The following TRIM60 variants were observed in gnomAD, a reference collection of about 807,000 sequenced individuals.
TRIM60 encodes the protein tripartite motif-containing protein 60.
For missense variants in TRIM60, 524 were observed against 540.8 expected (o/e 0.97, Z 0.31); for synonymous variants, 189 against 195.2 (o/e 0.97, Z 0.27).
At chr4:165,035,203 A>G (rs1313372950) in intron 1 of TRIM60, among the ~76,000 whole-genome samples, 8 of 152,124 alleles carry the variant, frequency 5.3e-5, no homozygotes, top group African/African-American at 1.9e-4. Context: ...TGCTGGCACT[A>G]TAGGGACATG....
intron 1 of TRIM60, among the ~76,000 whole-genome samples, chr4:165,036,129 A>AAGC (rs2111210034): frequency 6.6e-6 from 1 of 152,332 alleles, no homozygotes; most frequent in East Asian, 1.9e-4. Context: ...GCAGCCTTGC[A>AAGC]AGCAACCTTC....
intron 1 of TRIM60, among the ~76,000 whole-genome samples, chr4:165,035,423 G>T (rs1322828576): frequency 1.3e-5 from 2 of 152,206 alleles, no homozygotes; most frequent in Non-Finnish European, 2.9e-5. Flanking sequence ...GGAAAATGGT[G>T]TGTGGGATGA....
Position 165,040,812 on chromosome 4 carries a change from A to C in TRIM60, c.740A>C (p.Glu247Ala), listed in dbSNP as rs1398048334. 6.2e-7 allele frequency: 1 copy of C among 1,614,222 alleles called. No individual in the cohort carries two copies. Among genetic ancestry groups the C allele is most frequent in the East Asian group, 2.2e-5 (1 of 44,882 alleles). Residue 247 changes from glutamate to alanine, a missense_variant, in exon 3 of 3, where the codon GAA (glutamate) becomes GCA (alanine). Glu to Ala is a moderately radical substitution (Grantham distance 107, BLOSUM62 -1). Coordinates refer to ENST00000512596, the MANE Select transcript of TRIM60 (RefSeq NM_152620.3). ...GGCAAGTCTGTGCAGTCAAACCTGG[A>C]ATTACTGACACAAGCTAAGAGTATG... ...VEGKSVQSNL[E>A]LLTQAKSMHH...
At chr4:165,039,804 CAAAAAAAA>C (rs34594955) in intron 2 of TRIM60, among the ~76,000 whole-genome samples, 1 of 83,514 alleles carries the variant, frequency 1.2e-5, no homozygotes, top group Non-Finnish European at 2.6e-5. Flanking sequence ...GACTCCGTCT[CAAAAAAAA>C]AAAAAAAAAA....
chr4:165,032,736 C>G (rs1366462602), intron 1 of TRIM60, among the ~76,000 whole-genome samples: 2 of 152,186 alleles, frequency 1.3e-5, no homozygotes, highest in Non-Finnish European at 2.9e-5. Flanking sequence ...TCCGTCCTCA[C>G]AAGGATCTGG....
chr4:165,040,011 T>A, intron 2 of TRIM60, 58 bp from the exon 3 acceptor site: 3 of 1,433,866 alleles, frequency 2.1e-6, no homozygotes, highest in Non-Finnish European at 2.9e-6. Flanking sequence ...GGGTTTGCGC[T>A]CTACGGAGGC....
chr4:165,032,723 C>T (rs185101566), intron 1 of TRIM60, among the ~76,000 whole-genome samples: 1 of 152,280 alleles, frequency 6.6e-6, no homozygotes, highest in Admixed American at 6.5e-5. Flanking sequence ...GATTTTGTCT[C>T]CTTCCGTCCT....
chr4:165,041,414 G>C lies in TRIM60; in HGVS notation c.1342G>C (p.Val448Leu), dbSNP rs200745587. 2 of 1,612,110 alleles carry C rather than the reference G, an allele frequency of 1.2e-6. No individual in the cohort carries two copies. Among genetic ancestry groups the C allele is most frequent in the African/African-American group, 2.7e-5 (2 of 74,864 alleles). Residue 448 changes from valine to leucine, a missense_variant, in exon 3 of 3, where the codon GTT becomes CTT. Coordinates refer to ENST00000512596, the MANE Select transcript of TRIM60 (RefSeq NM_152620.3). ...YTFNDCFTEA[V>L]WPYFYTGTDS... is the part of the protein sequence containing the mutation. ...TTTTAACGATTGTTTCACAGAAGCCGTTTGGCCTTATTTCTATACTGGAAC... is the reference window on the plus strand; with the variant it reads ...TTTTAACGATTGTTTCACAGAAGCCCTTTGGCCTTATTTCTATACTGGAAC...
intron 1 of TRIM60, among the ~76,000 whole-genome samples, 182 bp from the exon 2 acceptor site, chr4:165,039,019 G>A (rs1733686774): frequency 2.0e-5 from 3 of 152,010 alleles, no homozygotes; most frequent in African/African-American, 4.8e-5. Context: ...CCAAGATCGT[G>A]CCATTGCACT....
intron 1 of TRIM60, among the ~76,000 whole-genome samples, 190 bp from the exon 2 acceptor site, chr4:165,039,011 A>G (rs1287900552): frequency 6.6e-6 from 1 of 152,146 alleles, no homozygotes; most frequent in Non-Finnish European, 1.5e-5. Context: ...GCAGTGAGCC[A>G]AGATCGTGCC....
intron 1 of TRIM60, among the ~76,000 whole-genome samples, chr4:165,035,272 C>T (rs1425284068): frequency 1.3e-5 from 2 of 152,120 alleles, no homozygotes; most frequent in African/African-American, 4.8e-5. Context: ...GCTCTGTTGC[C>T]CAGACTGGTC....
chr4:165,035,528 G>A (rs1158338729), intron 1 of TRIM60, among the ~76,000 whole-genome samples: 1 of 152,160 alleles, frequency 6.6e-6, no homozygotes, highest in Non-Finnish European at 1.5e-5. Flanking sequence ...AGTGATAAAT[G>A]AGTGAACTGT....
At position 165,041,020 on chromosome 4, in the gene TRIM60, T is replaced by G; in HGVS notation, c.948T>G (p.Ala316=). 6.2e-7 allele frequency: 1 copy of G among 1,614,044 alleles called. No homozygotes were observed. The highest frequency in any genetic ancestry group is 8.5e-7 in the Non-Finnish European group (1 of 1,179,898). Residue 316 remains alanine (A), a synonymous_variant, in exon 3 of 3, where the codon GCT becomes GCG. Coordinates refer to ENST00000512596, the MANE Select transcript of TRIM60 (RefSeq NM_152620.3). ...TTCTTGTCTCTGAGGATAGAAAAGC[T>G]GTGCGATATGAAAGAAAAAAACGAA... ...PQLLVSEDRK[A]VRYERKKRNI...
chr4:165,039,964 A>G, intron 2 of TRIM60, 105 bp from the exon 3 acceptor site: 1 of 853,174 alleles, frequency 1.2e-6, no homozygotes. Context: ...AAACCTGATC[A>G]ATCTACAAGG....
Position 165,040,426 on chromosome 4 carries a change from G to A in TRIM60, c.354G>A (p.Gln118=). The change falls in exon 3 of 3, where the codon CAG becomes CAA. Residue 118 remains glutamine (Q), a synonymous_variant. Transcript: ENST00000512596. Reference sequence around the variant, plus strand: ...AAGATCTAGAGATCTTATGTACACAGTGCAGTTTCTCCACTAAACACCAGA... The same window carrying A: ...AAGATCTAGAGATCTTATGTACACAATGCAGTTTCTCCACTAAACACCAGA... The part of the protein sequence containing the change: ...CVKDLEILCT[Q]CSFSTKHQKH... 6.2e-7 allele frequency: 1 copy of A among 1,614,178 alleles called. No homozygotes were observed.
chr4:165,032,561 C>T (rs1013564155), intron 1 of TRIM60, among the ~76,000 whole-genome samples: 1 of 152,046 alleles, frequency 6.6e-6, no homozygotes, highest in African/African-American at 2.4e-5. Flanking sequence ...ATTCTGTTTT[C>T]GCCGCGGAGG....
In TRIM60 at chr4:165,034,459, A is replaced by G. The variant is rs568915836; in HGVS notation, c.-57+2347A>G. ...GAGCCACTGCGCCCGTCCATGAAAT[A>G]CCCTTTTTTACAGCAATGTGGTTCT... On this transcript the variant is annotated intron_variant, in intron 1 of 2. Coordinates refer to ENST00000512596, the MANE Select transcript of TRIM60 (RefSeq NM_152620.3). 8.7e-4 allele frequency among the ~76,000 whole-genome samples: 133 copies of G among 152,038 alleles called. 1 individual carries two copies. Among genetic ancestry groups the G allele is most frequent in the Non-Finnish European group, 1.6e-3 (112 of 67,998 alleles).
At position 165,040,729 on chromosome 4, in the gene TRIM60, C is replaced by T; in HGVS notation, c.657C>T (p.Asn219=). 1 of 1,613,974 alleles carries T rather than the reference C, an allele frequency of 6.2e-7. No homozygotes were observed. The highest frequency in any genetic ancestry group is 2.2e-5 in the East Asian group (1 of 44,870). Residue 219 remains asparagine, a synonymous_variant, in exon 3 of 3, where the codon AAC becomes AAT. Transcript: ENST00000512596. ...ACATTTTAGCAAAACTAAATGAAAACCTTGTAGAACTTTCAGATTATGTTT... is the reference window on the plus strand; with the variant it reads ...ACATTTTAGCAAAACTAAATGAAAATCTTGTAGAACTTTCAGATTATGTTT... ...EMNILAKLNE[N]LVELSDYVST...
rs1733767328 is a variant in TRIM60, at chr4:165,041,515, T to A, written c.*27T>A. 2 of 1,435,610 alleles carry A rather than the reference T, an allele frequency of 1.4e-6. No individual in the cohort carries two copies. Among genetic ancestry groups the A allele is most frequent in the Non-Finnish European group, 1.9e-6 (2 of 1,069,702 alleles). 88.9% of individuals were successfully genotyped at this position (1,435,610 alleles called of 1,614,324 possible). A position where few individuals can be genotyped will look rare whatever the true frequency, so the allele number is the denominator to read the frequency against. On this transcript the variant is annotated 3_prime_UTR_variant, in exon 3 of 3. Coordinates refer to ENST00000512596, the MANE Select transcript of TRIM60 (RefSeq NM_152620.3). ...GAACTGGTAAATGGGTCTGTTTCAG[T>A]TTTTGTAGGTAACTTAGCCAGTAAA...
Sources: gnomAD v4.1 joint callset for allele counts (sites outside exome capture counted in the v4.1 genomes callset) on GRCh38, gnomAD v4.1.1 for gene constraint, MANE v1.5 for transcripts, NCBI Gene and HGNC (gene_info 2026-07-23, HGNC 2026-07-21) for gene names.